The following WDR20 variants were observed in gnomAD, a reference collection of about 807,000 sequenced individuals.
WDR20 encodes WD repeat domain 20.
A neutral mutation model predicts 38.7 loss-of-function variants in WDR20; 3 were observed. The observed-to-expected ratio is 0.08, with a 90% CI of 0.04 to 0.20. WDR20 has a LOEUF of 0.20. WDR20 is among the 10% of genes least tolerant of loss of function. The pLI is 1.00. For missense variants in WDR20, 559 were observed against 727.7 expected (o/e 0.77, Z 2.67); for synonymous variants, 298 against 285.6 (o/e 1.04, Z -0.44).
chr14:102,199,448 A>G (rs2059946845), intron 2 of WDR20, among the ~76,000 whole-genome samples: 1 of 152,068 alleles, frequency 6.6e-6, no homozygotes, highest in Non-Finnish European at 1.5e-5. Flanking sequence ...CCGTTTTGAA[A>G]TACAAATAAT....
intron 1 of WDR20, among the ~76,000 whole-genome samples, chr14:102,174,474 C>T (rs1197731250): frequency 1.3e-5 from 2 of 152,164 alleles, no homozygotes; most frequent in African/African-American, 4.8e-5. Context: ...GGCTAGAGTG[C>T]AATGGCACAA....
chr14:102,154,078 T>C (rs996737387), intron 1 of WDR20, among the ~76,000 whole-genome samples: 15 of 152,178 alleles, frequency 9.9e-5, no homozygotes, highest in African/African-American at 3.6e-4. Flanking sequence ...TGGGAGGATC[T>C]CTTGAGCATA....
intron 1 of WDR20, among the ~76,000 whole-genome samples, chr14:102,158,695 A>G (rs770547745): frequency 6.6e-6 from 1 of 152,104 alleles, no homozygotes; most frequent in Non-Finnish European, 1.5e-5. Flanking sequence ...ACTTAGAACA[A>G]TTAAACAGTC....
At chr14:102,172,022 T>G (rs775107835) in intron 1 of WDR20, among the ~76,000 whole-genome samples, 4 of 151,262 alleles carry the variant, frequency 2.6e-5, no homozygotes, top group African/African-American at 4.8e-5. Context: ...TGAACAAAGG[T>G]CTCTGGTTTT....
chr14:102,183,436 AAC>A (rs2063836582), intron 1 of WDR20, among the ~76,000 whole-genome samples: 1 of 152,224 alleles, frequency 6.6e-6, no homozygotes, highest in Non-Finnish European at 1.5e-5. Context: ...TCCTGTTTGA[AAC>A]ACAGCAGTGT....
At position 102,220,634 on chromosome 14, in the gene WDR20, C is replaced by T. The variant is rs1286794679; in HGVS notation, c.1693-2196C>T. On this transcript the variant is annotated intron_variant, in intron 3 of 3. Coordinates refer to the WDR20 transcript ENST00000335263. This position sits in a 1 kb window ranked among gnomAD's most constrained non-coding sequence, Gnocchi z 4.2. ...ACTTGGGAGGCTGAGGCAGGAGAAT[C>T]ACTTGAACCCAGGAGGTGGAGCTTG... Among the ~76,000 whole-genome samples the T allele has an allele frequency of 6.7e-6, 1 of 149,434 alleles. No homozygotes were observed. Among genetic ancestry groups the T allele is most frequent in the African/African-American group, 2.5e-5 (1 of 40,418 alleles).
At chr14:102,181,998 T>C (rs971320336) in intron 1 of WDR20, among the ~76,000 whole-genome samples, 2 of 152,216 alleles carry the variant, frequency 1.3e-5, no homozygotes, top group African/African-American at 4.8e-5. Context: ...TTCTAAATGC[T>C]AAAAATATTA....
chr14:102,182,749 T>C (rs540750029), intron 1 of WDR20, among the ~76,000 whole-genome samples: 37 of 152,144 alleles, frequency 2.4e-4, no homozygotes, highest in African/African-American at 8.2e-4. Context: ...AAAAATATTA[T>C]CTAAATATTA....
chr14:102,204,145 G>A (rs1244805257), intron 2 of WDR20, among the ~76,000 whole-genome samples: 1 of 152,126 alleles, frequency 6.6e-6, no homozygotes, highest in South Asian at 2.1e-4. Context: ...TCTGTGGAAC[G>A]GGAGACAGCA....
At chr14:102,219,570 G>A (rs947374265), downstream of WDR20, among the ~76,000 whole-genome samples, 8 of 152,188 alleles carry the variant, frequency 5.3e-5, no homozygotes, top group African/African-American at 1.9e-4. Context: ...TCGCCTTCCG[G>A]TTAACTCCTC....
chr14:102,173,476 A>T (rs188183969), intron 1 of WDR20, among the ~76,000 whole-genome samples: 139 of 127,018 alleles, frequency 1.1e-3, no homozygotes, highest in African/African-American at 5.0e-3. Context: ...TATTATTATT[A>T]TTATTTTTAT....
At chr14:102,188,477 T>C (rs757857419) in intron 1 of WDR20, among the ~76,000 whole-genome samples, 2 of 152,144 alleles carry the variant, frequency 1.3e-5, no homozygotes, top group African/African-American at 2.4e-5. Context: ...TGCAGACCCT[T>C]TGTGGTACTG....
intron 1 of WDR20, among the ~76,000 whole-genome samples, chr14:102,178,412 T>C (rs2062630924): frequency 6.6e-6 from 1 of 151,836 alleles, no homozygotes; most frequent in Non-Finnish European, 1.5e-5. Context: ...AAAAAATTGT[T>C]TGGCGTGTGT....
chr14:102,195,239 T>TCC, intron 2 of WDR20, 119 bp downstream of exon 2: 1 of 1,075,460 alleles, frequency 9.3e-7, no homozygotes, highest in Non-Finnish European at 1.3e-6. Flanking sequence ...CGCCCAGCCC[T>TCC]CCTACCTAGT....
chr14:102,143,691 C>T (rs999432662), intron 1 of WDR20, among the ~76,000 whole-genome samples: 27 of 151,826 alleles, frequency 1.8e-4, no homozygotes, highest in African/African-American at 5.6e-4. Flanking sequence ...ACTACAGGTG[C>T]GTACCACCAC....
intron 1 of WDR20, among the ~76,000 whole-genome samples, chr14:102,156,712 T>C (rs2057475359): frequency 6.6e-6 from 1 of 151,684 alleles, no homozygotes; most frequent in African/African-American, 2.4e-5. Context: ...TAAAAACTAT[T>C]GGGGCCAGGT....
At chr14:102,216,056 T>C (rs2063179646), downstream of WDR20, among the ~76,000 whole-genome samples, 1 of 152,180 alleles carries the variant, frequency 6.6e-6, no homozygotes. Flanking sequence ...CTCTGCATGT[T>C]GGCAGCCGGC....
At chr14:102,193,134 T>G (rs971479412) in intron 1 of WDR20, among the ~76,000 whole-genome samples, 1 of 150,602 alleles carries the variant, frequency 6.6e-6, no homozygotes, top group African/African-American at 2.4e-5. Flanking sequence ...GTTTTTTTTT[T>G]GTTTTTTTTT....
intron 1 of WDR20, among the ~76,000 whole-genome samples, chr14:102,162,640 A>ACT (rs1232587082): frequency 1.3e-5 from 2 of 149,622 alleles, no homozygotes; most frequent in Non-Finnish European, 3.0e-5. Context: ...GCCCTCTCAC[A>ACT]CTCTCTCGCT....
Sources: allele counts gnomAD v4.1 joint callset (sites outside exome capture counted in the v4.1 genomes callset), GRCh38; gene constraint gnomAD v4.1.1; non-coding constraint Gnocchi (gnomAD v3.1); transcripts MANE v1.5; gene names NCBI Gene and HGNC (gene_info 2026-07-23, HGNC 2026-07-21).